Variants in ZNF888 observed in about 807,000 individuals in gnomAD.
ZNF888 encodes the protein CTD-2331H12.6.
A neutral mutation model predicts 7.2 loss-of-function variants in ZNF888; 5 were observed. That is an observed-to-expected ratio of 0.70 (90% CI 0.36 to 1.46). The LOEUF (loss-of-function observed/expected upper bound fraction) is 1.46, where lower values mean the gene tolerates loss of function less well. Among genes scored for constraint, ZNF888 ranks in the 40% most tolerant of loss-of-function variants. ZNF888 has a pLI of 0.03. For synonymous variants in ZNF888, 240 were observed against 284.3 expected, an observed-to-expected ratio of 0.84 and a Z score of 1.57; for missense variants, 716 against 858.0, an observed-to-expected ratio of 0.83 and a Z score of 2.07.
Position 52,919,498 on chromosome 19 carries a change from C to T in ZNF888, c.-177-561G>A, listed in dbSNP as rs1378627636. 1.7e-4 allele frequency among the ~76,000 whole-genome samples: 12 copies of T among 70,522 alleles called. 4 individuals carry two copies. Among genetic ancestry groups the T allele is most frequent in the Non-Finnish European group, 4.1e-4 (12 of 29,536 alleles). The allele number at this position is 70,522 out of a possible 152,430, so 46.3% of individuals were successfully genotyped here. Reference sequence around the variant, plus strand: ...AGGCTGGAGTGCAGTGGCGTGATCTCCGCTCGCTACAACCTCCACCTCCCA... The same window carrying T: ...AGGCTGGAGTGCAGTGGCGTGATCTTCGCTCGCTACAACCTCCACCTCCCA... On this transcript the variant is annotated intron_variant, in intron 1 of 4. Coordinates refer to ENST00000638862, the MANE Select transcript of ZNF888 (RefSeq NM_001393938.1).
intron 4 of ZNF888, among the ~76,000 whole-genome samples, chr19:52,912,402 C>A (rs1001447600): frequency 1.3e-5 from 2 of 150,820 alleles, no homozygotes; most frequent in East Asian, 2.0e-4. Flanking sequence ...CATGAGCCAC[C>A]GTGCCTGGCC....
At chr19:52,922,387 C>T (rs751109786) in intron 1 of ZNF888, among the ~76,000 whole-genome samples, 3 of 152,044 alleles carry the variant, frequency 2.0e-5, no homozygotes, top group Non-Finnish European at 4.4e-5. Context: ...GTTCTCCTTG[C>T]CACCAGCACC....
At chr19:52,908,341 G>A (rs1199294682) in intron 4 of ZNF888, among the ~76,000 whole-genome samples, 162 bp from the exon 5 acceptor site, 1 of 152,058 alleles carries the variant, frequency 6.6e-6, no homozygotes, top group Non-Finnish European at 1.5e-5. Context: ...AATAAATGAA[G>A]GGCGATTACA....
intron 1 of ZNF888, among the ~76,000 whole-genome samples, chr19:52,920,503 A>G (rs2064812194): frequency 6.7e-5 from 3 of 44,708 alleles, no homozygotes; most frequent in East Asian, 3.7e-4. Flanking sequence ...AAAAAAAAAA[A>G]AAAAAAAAAA....
chr19:52,919,924 A>G (rs1568749837), intron 1 of ZNF888, among the ~76,000 whole-genome samples: 2 of 53,370 alleles, frequency 3.7e-5, no homozygotes, highest in South Asian at 5.7e-4. Flanking sequence ...TCCGTCCGGC[A>G]GCCACCCCGT....
chr19:52,911,363 G>A lies in ZNF888; in HGVS notation c.143-3184C>T, dbSNP rs543360178. The stretch of plus-strand genomic sequence containing the variant: ...TTTTCTTTTTTTTTTTTTTGAGACG[G>A]AGTCTTGCTCTGTCGCCCAGGCTGG... On this transcript the variant is annotated intron_variant, in intron 4 of 4. Transcript: ENST00000638862. 2.7e-5 allele frequency among the ~76,000 whole-genome samples: 4 copies of A among 148,242 alleles called. No individual in the cohort carries two copies. The East Asian group carries it at 6.0e-4, about 22-fold the overall frequency.
chr19:52,909,450 GTTGGCA>G lies in ZNF888; in HGVS notation c.143-1277_143-1272del, dbSNP rs150339080. Among the ~76,000 whole-genome samples, 1,111 of 151,874 alleles carry G rather than the reference GTTGGCA, an allele frequency of 7.3e-3. 20 individuals are homozygous for G. Among genetic ancestry groups the G allele is most frequent in the African/African-American group, 0.024 (1,008 of 41,440 alleles). ...TTTAGTAGAGATGGGGTTTCACCACGTTGGCAAGGCTCGTCTCGAACTCCTGACCTC... is the reference window on the plus strand; with the variant it reads ...TTTAGTAGAGATGGGGTTTCACCACGAGGCTCGTCTCGAACTCCTGACCTC... On this transcript the variant is annotated intron_variant, in intron 4 of 4. Coordinates refer to ENST00000638862, the MANE Select transcript of ZNF888 (RefSeq NM_001393938.1).
intron 1 of ZNF888, among the ~76,000 whole-genome samples, chr19:52,922,816 G>A (rs1048102345): frequency 6.6e-6 from 1 of 152,176 alleles, no homozygotes; most frequent in Non-Finnish European, 1.5e-5. Flanking sequence ...CCGTGTCACA[G>A]GACAGGCCCC....
At chr19:52,914,351 C>G (rs1395469192) in intron 4 of ZNF888, 1 of 984,828 alleles carries the variant, frequency 1.0e-6, no homozygotes, top group African/African-American at 1.7e-5. Flanking sequence ...TCACTTCACT[C>G]TCCACAGTCC....
chr19:52,915,804 A>C lies in ZNF888; in HGVS notation c.16-482T>G, dbSNP rs1322546242. Among the ~76,000 whole-genome samples the C allele has an allele frequency of 3.8e-4, 14 of 36,722 alleles. No individual in the cohort carries two copies. The East Asian group carries it at 4.9e-3, about 13-fold the overall frequency. The allele number at this position is 36,722 out of a possible 152,430, so 24.1% of individuals were successfully genotyped here. On this transcript the variant is annotated intron_variant, in intron 3 of 4. Coordinates refer to ENST00000638862, the MANE Select transcript of ZNF888 (RefSeq NM_001393938.1). ...ATGACGTCTTTATTATACTTTTTGA[A>C]GAGGTCAAGACACCCTGTCAGTATG... is the stretch of plus-strand genomic sequence containing the variant.
At chr19:52,919,601 G>C (rs1244054478) in intron 1 of ZNF888, among the ~76,000 whole-genome samples, 5 of 70,538 alleles carry the variant, frequency 7.1e-5, no homozygotes, top group East Asian at 3.1e-4. Context: ...AGTGAGGAGC[G>C]TCTCTGCCTG....
At position 52,906,302 on chromosome 19, in the gene ZNF888, A is replaced by T. The variant is rs377511797; in HGVS notation, c.2020T>A (p.Tyr674Asn). ...CTAGTATGTTGTGCCAGGTGTGAGT[A>T]ACACTTGAAAGCCTTGTCACAAACC... is the stretch of plus-strand genomic sequence containing the variant. ...CKVCDKAFKC[Y>N]SHLAQHTRIH... is the part of the protein sequence containing the mutation. The change falls in exon 5 of 5, where the codon TAC becomes AAC. Residue 674 changes from tyrosine to asparagine, a missense_variant. Transcript: ENST00000638862. The T allele has an allele frequency of 1.4e-5, 22 of 1,611,582 alleles. No homozygotes were observed. The highest frequency in any genetic ancestry group is 1.7e-4 in the Middle Eastern group (1 of 6,034).
rs575381971 is a variant in ZNF888 at position 52,922,759 on chromosome 19, A to G, written c.-178+610T>C. On this transcript the variant is annotated intron_variant, in intron 1 of 4. Transcript: ENST00000638862. ...GTTTGGAGTAAGACGCCTGCATCCC[A>G]GAGAAGCGCATTTTCCAGGGGCTGG... Among the ~76,000 whole-genome samples, 11 of 152,242 alleles carry G rather than the reference A, an allele frequency of 7.2e-5. No homozygotes were observed. The South Asian group carries it at 1.4e-3, about 20-fold the overall frequency.
In ZNF888 at chr19:52,920,266, A is replaced by G. The variant is rs533299968; in HGVS notation, c.-177-1329T>C. On this transcript the variant is annotated intron_variant, in intron 1 of 4. Coordinates refer to ENST00000638862, the MANE Select transcript of ZNF888 (RefSeq NM_001393938.1). ...ATAGAAAGGCGGGAAAGGTGGGGAA[A>G]AAATTGAGAGGCCGGGTGGTTGCCG... Among the ~76,000 whole-genome samples, 115 of 65,400 alleles carry G rather than the reference A, an allele frequency of 1.8e-3. 50 individuals carry two copies. The highest frequency in any genetic ancestry group is 4.1e-3 in the Admixed American group (21 of 5,110). The allele number at this position is 65,400 out of a possible 152,430, so 42.9% of individuals were successfully genotyped here.
rs572959187 is a variant in ZNF888, at chr19:52,912,841, C to T, written c.142+2355G>A. 3.5e-3 allele frequency among the ~76,000 whole-genome samples: 533 copies of T among 152,266 alleles called. 4 individuals are homozygous for T. Among genetic ancestry groups the T allele is most frequent in the African/African-American group, 0.012 (509 of 41,564 alleles). ...AAAACAGATAGGCCGGACATGGTGA[C>T]TCATGCCTGTAATCCCAGCACTTTG... On this transcript the variant is annotated intron_variant, in intron 4 of 4. Transcript: ENST00000638862.
intron 4 of ZNF888, among the ~76,000 whole-genome samples, chr19:52,913,566 C>T (rs1435949403): frequency 1.3e-5 from 2 of 152,018 alleles, no homozygotes; most frequent in Admixed American, 1.3e-4. Context: ...AGGTGATCCG[C>T]CCCCGGCTCA....
chr19:52,906,013 C>T lies in ZNF888; in HGVS notation c.*152G>A. On this transcript the variant is annotated 3_prime_UTR_variant, in exon 5 of 5. Transcript: ENST00000638862. ...ATCATGACATTTGTAAGGTTTCTCT[C>T]CAGTATGAGTTCACCCATGAACTAC... The T allele has an allele frequency of 8.4e-7, 1 of 1,188,784 alleles. No homozygotes were observed. Among genetic ancestry groups the T allele is most frequent in the Non-Finnish European group, 1.3e-6 (1 of 798,476 alleles). The allele number at this position is 1,188,784 out of a possible 1,614,324, so 73.6% of individuals were successfully genotyped here. A position where few individuals can be genotyped will look rare whatever the true frequency, so the allele number is the denominator to read the frequency against.
chr19:52,908,973 C>T (rs2064644141), intron 4 of ZNF888, among the ~76,000 whole-genome samples: 1 of 151,168 alleles, frequency 6.6e-6, no homozygotes, highest in Non-Finnish European at 1.5e-5. Context: ...GGCAAAACCC[C>T]GTCTCTACTA....
intron 4 of ZNF888, among the ~76,000 whole-genome samples, chr19:52,908,660 A>G (rs80080660): frequency 0.013 from 1,920 of 152,296 alleles, 11 homozygotes; most frequent in Non-Finnish European, 0.02. Context: ...CTGTCAAACC[A>G]TCACAGCACA....
Sources: gnomAD v4.1 joint callset for allele counts (sites outside exome capture counted in the v4.1 genomes callset) on GRCh38, gnomAD v4.1.1 for gene constraint, MANE v1.5 for transcripts, NCBI Gene and HGNC (gene_info 2026-07-23, HGNC 2026-07-21) for gene names.